The following SLC24A2 variants were observed in gnomAD, a reference collection of about 807,000 sequenced individuals.
The protein encoded by SLC24A2 is sodium/potassium/calcium exchanger 2.
In SLC24A2, 36 loss-of-function variants were observed where a neutral mutation model predicts 62.0. The observed-to-expected ratio is 0.58, with a 90% CI of 0.44 to 0.77. SLC24A2 has a LOEUF of 0.77. Ranked by LOEUF, SLC24A2 falls within the 30% of genes least tolerant of loss-of-function variation. The probability of loss-of-function intolerance (pLI) is 0.00; values close to 1 mark genes in which losing one functional copy is unlikely to be tolerated. For synonymous variants in SLC24A2, 358 were observed against 294.0 expected (o/e 1.22, Z -2.23); for missense variants, 846 against 817.9 (o/e 1.03, Z -0.42).
intron 5 of SLC24A2, among the ~76,000 whole-genome samples, chr9:19,594,799 G>C (rs1166218148): frequency 6.6e-6 from 1 of 152,190 alleles, no homozygotes; most frequent in Non-Finnish European, 1.5e-5. Flanking sequence ...TTTTCCAGTG[G>C]GAGGGGAGAG....
the SLC24A2 span, among the ~76,000 whole-genome samples, chr9:20,265,435 A>C: frequency 6.6e-6 from 1 of 152,178 alleles, no homozygotes; most frequent in African/African-American, 2.4e-5. Context: ...TACTTTTATA[A>C]TTTCTTACGC....
At chr9:20,146,886 C>T in the SLC24A2 span, among the ~76,000 whole-genome samples, 1 of 152,098 alleles carries the variant, frequency 6.6e-6, no homozygotes, top group Non-Finnish European at 1.5e-5. Flanking sequence ...CAATTCTCAC[C>T]TCCACTCCCA....
At chr9:19,920,253 A>G in the SLC24A2 span, among the ~76,000 whole-genome samples, 1 of 152,200 alleles carries the variant, frequency 6.6e-6, no homozygotes, top group Admixed American at 6.5e-5. Flanking sequence ...TAGACTCTCA[A>G]TATTTCTTGC....
the SLC24A2 span, among the ~76,000 whole-genome samples, chr9:20,103,446 C>A: frequency 2.0e-5 from 3 of 152,198 alleles, no homozygotes; most frequent in Non-Finnish European, 4.4e-5. Context: ...GGGAGGCACC[C>A]CCCAGCAGGG....
the SLC24A2 span, among the ~76,000 whole-genome samples, chr9:20,009,314 G>A: frequency 1.3e-5 from 2 of 151,250 alleles, no homozygotes; most frequent in East Asian, 3.9e-4. Flanking sequence ...GAACCCAGAA[G>A]GCAGAGGTTT....
the SLC24A2 span, among the ~76,000 whole-genome samples, chr9:19,922,910 A>G: frequency 1.3e-5 from 2 of 151,156 alleles, no homozygotes; most frequent in African/African-American, 4.8e-5. Flanking sequence ...AAATATTTAC[A>G]TGAAATATCT....
At position 19,599,872 on chromosome 9, in the gene SLC24A2, G is replaced by A. The variant is rs769532117; in HGVS notation, c.1079-2593C>T. Among the ~76,000 whole-genome samples, 65 of 152,162 alleles carry A rather than the reference G, an allele frequency of 4.3e-4. No individual in the cohort carries two copies. The highest frequency in any genetic ancestry group is 7.4e-4 in the Non-Finnish European group (50 of 68,024). On this transcript the variant is annotated intron_variant, in intron 4 of 10. Transcript: ENST00000341998. The surrounding 1 kb of genome is among the most constrained non-coding windows in gnomAD (Gnocchi z 4.5). ...ACCCGGGAGGCGCTCACCGGCATAG[G>A]AATGTGGCTTGCAACCAGCACACTC...
chr9:19,710,219 C>T (rs1173683758), intron 2 of SLC24A2, among the ~76,000 whole-genome samples: 1 of 152,122 alleles, frequency 6.6e-6, no homozygotes, highest in African/African-American at 2.4e-5. Flanking sequence ...AACTGTGTAC[C>T]ATGTGACCAT....
At chr9:19,804,653 G>C in the SLC24A2 span, among the ~76,000 whole-genome samples, 1 of 152,002 alleles carries the variant, frequency 6.6e-6, no homozygotes, top group Non-Finnish European at 1.5e-5. Flanking sequence ...AATTGCACTG[G>C]TTAGAACCTC....
the SLC24A2 span, among the ~76,000 whole-genome samples, chr9:20,211,431 GA>G: frequency 6.6e-6 from 1 of 152,146 alleles, no homozygotes; most frequent in Non-Finnish European, 1.5e-5. Flanking sequence ...AGAATTGCTT[GA>G]ACCCAGGAGG....
chr9:19,683,807 G>A (rs539941334), intron 2 of SLC24A2, among the ~76,000 whole-genome samples: 1 of 151,988 alleles, frequency 6.6e-6, no homozygotes, highest in Non-Finnish European at 1.5e-5. Flanking sequence ...TTTGAGGCGG[G>A]GAGGAAACAC....
intron 2 of SLC24A2, among the ~76,000 whole-genome samples, chr9:19,729,988 T>A (rs989810826): frequency 3.3e-5 from 5 of 152,110 alleles, no homozygotes; most frequent in Admixed American, 6.6e-5. Context: ...CCTATGAATA[T>A]GTACCATTAT....
chr9:20,099,510 A>G, the SLC24A2 span, among the ~76,000 whole-genome samples: 17 of 152,276 alleles, frequency 1.1e-4, no homozygotes, highest in African/African-American at 3.8e-4. Context: ...GAAATCCCTG[A>G]GCTCTTCCTT....
At chr9:19,664,795 C>T (rs1042753407) in intron 2 of SLC24A2, among the ~76,000 whole-genome samples, 5 of 152,022 alleles carry the variant, frequency 3.3e-5, no homozygotes, top group Non-Finnish European at 5.9e-5. Context: ...CAGCTGCAAG[C>T]CAAGGAATGC....
At chr9:19,738,949 T>C (rs1458549434) in intron 2 of SLC24A2, among the ~76,000 whole-genome samples, 2 of 152,100 alleles carry the variant, frequency 1.3e-5, no homozygotes, top group Non-Finnish European at 2.9e-5. Flanking sequence ...AAATCCCACC[T>C]CTACTAATAA....
the SLC24A2 span, among the ~76,000 whole-genome samples, chr9:20,098,392 G>C: frequency 6.6e-6 from 1 of 152,132 alleles, no homozygotes; most frequent in African/African-American, 2.4e-5. Context: ...TGGGTTTTTT[G>C]ATTTCAAAGA....
intron 2 of SLC24A2, among the ~76,000 whole-genome samples, chr9:19,655,873 T>C (rs917811771): frequency 1.3e-5 from 2 of 152,182 alleles, no homozygotes. Context: ...ACTGGTGATG[T>C]CTTCCACAGG....
intron 2 of SLC24A2, among the ~76,000 whole-genome samples, chr9:19,715,073 C>A (rs541733944): frequency 6.6e-6 from 1 of 152,094 alleles, no homozygotes; most frequent in African/African-American, 2.4e-5. Flanking sequence ...CCACCAAACA[C>A]CGTAATAATA....
the SLC24A2 span, among the ~76,000 whole-genome samples, chr9:19,885,368 G>A: frequency 6.6e-6 from 1 of 152,176 alleles, no homozygotes; most frequent in Non-Finnish European, 1.5e-5. Context: ...AACACTAGAT[G>A]TTCACATGGA....
Sources: allele counts gnomAD v4.1 joint callset (sites outside exome capture counted in the v4.1 genomes callset), GRCh38; gene constraint gnomAD v4.1.1; non-coding constraint Gnocchi (gnomAD v3.1); transcripts MANE v1.5; gene names NCBI Gene and HGNC (gene_info 2026-07-23, HGNC 2026-07-21).